The following NPAS3 variants were observed in gnomAD, a reference collection of about 807,000 sequenced individuals.
NPAS3 encodes the protein neuronal PAS domain protein 3.
NPAS3 carries 14 observed loss-of-function variants against 73.1 expected under a neutral mutation model. The observed-to-expected ratio is 0.19, with a 90% CI of 0.13 to 0.30. NPAS3 has a LOEUF of 0.30. NPAS3 is among the 10% of genes least tolerant of loss of function. The pLI, the probability that NPAS3 is intolerant of heterozygous loss-of-function variation, is 1.00. For synonymous variants in NPAS3, 620 were observed against 541.5 expected (o/e 1.14, Z -2.01); for missense variants, 1,096 against 1,250.0 (o/e 0.88, Z 1.86).
At chr14:32,982,442 G>T (rs1029020308) in intron 1 of NPAS3, among the ~76,000 whole-genome samples, 2 of 152,098 alleles carry the variant, frequency 1.3e-5, no homozygotes, top group Non-Finnish European at 2.9e-5. Context: ...AAACACAGTG[G>T]CTCATGCCTG....
At chr14:32,950,140 C>T (rs1178322734) in intron 1 of NPAS3, among the ~76,000 whole-genome samples, 1 of 151,856 alleles carries the variant, frequency 6.6e-6, no homozygotes, top group Non-Finnish European at 1.5e-5. Context: ...AATATTTAGC[C>T]AAATTGAAGT....
intron 7 of NPAS3, 132 bp from the exon 8 acceptor site, chr14:33,774,205 A>C (rs542600772): frequency 1.5e-4 from 99 of 647,710 alleles, no homozygotes; most frequent in Non-Finnish European, 2.5e-4. Flanking sequence ...GCATGCCGAC[A>C]GCCATTATGA....
At chr14:33,366,845 T>C (rs1309107031) in intron 3 of NPAS3, among the ~76,000 whole-genome samples, 1 of 152,172 alleles carries the variant, frequency 6.6e-6, no homozygotes, top group African/African-American at 2.4e-5. Context: ...AAAAAATCAA[T>C]ACCTTAATTT....
rs1017504828 is a variant in NPAS3, at chr14:33,737,449, G to A, written c.852+2117G>A. On this transcript the variant is annotated intron_variant, in intron 7 of 11. Coordinates refer to ENST00000356141, the Ensembl canonical transcript of NPAS3. ...TTTAGGAGCTATTCCAGATCCCATC[G>A]AATCATGCAATGTTAAAGTGACCAT... is the stretch of plus-strand genomic sequence containing the variant. Among the ~76,000 whole-genome samples the A allele has an allele frequency of 2.6e-5, 4 of 152,136 alleles. No homozygotes were observed. In the East Asian group the frequency reaches 5.8e-4, roughly 22 times the overall value.
chr14:33,275,718 T>C (rs543819048), intron 3 of NPAS3, among the ~76,000 whole-genome samples: 1 of 152,330 alleles, frequency 6.6e-6, no homozygotes, highest in African/African-American at 2.4e-5. Context: ...CCTTCTTTTC[T>C]TTTTTGCTTT....
intron 1 of NPAS3, among the ~76,000 whole-genome samples, chr14:32,945,591 T>C (rs532283664): frequency 6.6e-6 from 1 of 152,302 alleles, no homozygotes; most frequent in Admixed American, 6.5e-5. Flanking sequence ...TGTAGAAATG[T>C]ACCTTAACAC....
intron 4 of NPAS3, among the ~76,000 whole-genome samples, chr14:33,422,320 G>A (rs1475431833): frequency 6.6e-6 from 1 of 151,924 alleles, no homozygotes; most frequent in Admixed American, 6.6e-5. Context: ...GGTAAAGATG[G>A]CAGTGTTTTG....
chr14:33,715,832 C>T (rs146143328), intron 6 of NPAS3, among the ~76,000 whole-genome samples: 37 of 152,224 alleles, frequency 2.4e-4, no homozygotes, highest in Admixed American at 4.6e-4. Context: ...GTTTTTCCTG[C>T]GCTGTTTTCT....
intron 4 of NPAS3, among the ~76,000 whole-genome samples, chr14:33,457,327 G>C (rs2050068438): frequency 6.6e-6 from 1 of 152,206 alleles, no homozygotes; most frequent in South Asian, 2.1e-4. Context: ...CCAGACAACA[G>C]AATTGAGAGT....
intron 4 of NPAS3, among the ~76,000 whole-genome samples, chr14:33,520,447 C>A (rs924022125): frequency 6.6e-6 from 1 of 151,890 alleles, no homozygotes; most frequent in African/African-American, 2.4e-5. Flanking sequence ...AATAAGAACA[C>A]CACATTTACT....
intron 3 of NPAS3, among the ~76,000 whole-genome samples, chr14:33,321,146 A>G (rs774884000): frequency 6.6e-6 from 1 of 151,616 alleles, no homozygotes; most frequent in Non-Finnish European, 1.5e-5. Context: ...CCTACCAGAC[A>G]TCAGTCTTCA....
At chr14:33,254,528 T>G (rs910284360) in intron 3 of NPAS3, among the ~76,000 whole-genome samples, 27 of 152,132 alleles carry the variant, frequency 1.8e-4, no homozygotes, top group Non-Finnish European at 3.4e-4. Context: ...CTCAAGCCTT[T>G]TATCTCCTTA....
chr14:33,211,542 G>A (rs2047035278), intron 2 of NPAS3, among the ~76,000 whole-genome samples: 2 of 151,894 alleles, frequency 1.3e-5, no homozygotes, highest in Admixed American at 1.3e-4. Context: ...TGACAGAGTG[G>A]GACTCCATCT....
At chr14:33,382,256 G>A (rs1476883051) in intron 4 of NPAS3, among the ~76,000 whole-genome samples, 1 of 151,824 alleles carries the variant, frequency 6.6e-6, no homozygotes, top group Non-Finnish European at 1.5e-5. Flanking sequence ...AAAAATCCAG[G>A]TTTTATTTTC....
intron 4 of NPAS3, among the ~76,000 whole-genome samples, chr14:33,415,726 C>A (rs2048118462): frequency 1.3e-5 from 2 of 152,074 alleles, no homozygotes; most frequent in Non-Finnish European, 2.9e-5. Context: ...GTAAAAATTT[C>A]TCAGTCTGCC....
intron 4 of NPAS3, among the ~76,000 whole-genome samples, chr14:33,374,713 G>T (rs1009044886): frequency 3.5e-5 from 5 of 144,566 alleles, no homozygotes; most frequent in African/African-American, 1.0e-4. Context: ...GCGGGGGGGG[G>T]AGTAGAGAAT....
chr14:33,675,993 AAC>A (rs1001822493), intron 5 of NPAS3, among the ~76,000 whole-genome samples: 6 of 152,294 alleles, frequency 3.9e-5, no homozygotes, highest in African/African-American at 1.4e-4. Context: ...AAAAAAAAAA[AAC>A]TGAGCTTAAC....
At chr14:33,404,718 A>G (rs2047590254) in intron 4 of NPAS3, among the ~76,000 whole-genome samples, 1 of 152,142 alleles carries the variant, frequency 6.6e-6, no homozygotes, top group Non-Finnish European at 1.5e-5. Context: ...GTGCCTGAAA[A>G]GAATATATAA....
intron 1 of NPAS3, among the ~76,000 whole-genome samples, chr14:33,046,214 T>A (rs2040500725): frequency 6.6e-6 from 1 of 152,106 alleles, no homozygotes; most frequent in Non-Finnish European, 1.5e-5. Context: ...GTTCAAAGGC[T>A]TATAAGCACG....
Sources: gnomAD v4.1 joint callset for allele counts (sites outside exome capture counted in the v4.1 genomes callset) on GRCh38, gnomAD v4.1.1 for gene constraint, MANE v1.5 for transcripts, NCBI Gene and HGNC (gene_info 2026-07-23, HGNC 2026-07-21) for gene names.